The following ADCY9 variants were observed in gnomAD, a reference collection of about 807,000 sequenced individuals.
ADCY9 encodes the protein adenylate cyclase type 9.
Under a neutral mutation model 101.5 loss-of-function variants are expected in ADCY9, and 50 were observed. That is an observed-to-expected ratio of 0.49 (90% CI 0.39 to 0.62). The LOEUF is 0.62. Ranked by LOEUF, ADCY9 falls within the 20% of genes least tolerant of loss-of-function variation. ADCY9 has a pLI of 0.00. For missense variants in ADCY9, 1,662 were observed against 1,800.4 expected, an observed-to-expected ratio of 0.92 and a Z score of 1.39; for synonymous variants, 905 against 769.3, an observed-to-expected ratio of 1.18 and a Z score of -2.92.
At chr16:3,979,028 T>C in intron 8 of ADCY9, 88 bp downstream of exon 8, 1 of 1,559,002 alleles carries the variant, frequency 6.4e-7, no homozygotes, top group Admixed American at 1.7e-5. Flanking sequence ...GGGTTTATTT[T>C]TAAATTGCTA....
chr16:4,103,641 C>A (rs367962303), intron 2 of ADCY9, among the ~76,000 whole-genome samples: 19 of 152,234 alleles, frequency 1.2e-4, no homozygotes, highest in African/African-American at 4.1e-4. Flanking sequence ...ACCAGCCTGG[C>A]CAATATGGCG....
rs1196255044 is a variant in ADCY9 at position 4,114,965 on chromosome 16, A to G, written c.478T>C (p.Phe160Leu). ...LCFLLVCVGF[F>L]LFTFTKLYAR... ...TACAGCTTGGTGAAGGTAAACAGAAAGAAGCCCACACACACCAGGAGGAAG... is the reference window on the plus strand; with the variant it reads ...TACAGCTTGGTGAAGGTAAACAGAAGGAAGCCCACACACACCAGGAGGAAG... Residue 160 changes from phenylalanine to leucine, a missense_variant, in exon 2 of 11, where the codon TTT becomes CTT. Around this residue, in one of 5 missense-constraint regions of ADCY9, gnomAD observed 422 missense variants for 392.0 expected, o/e 1.08. Transcript: ENST00000294016. The surrounding 1 kb of genome is among the most constrained non-coding windows in gnomAD (Gnocchi z 4.3). 1 of 1,614,068 alleles carries G rather than the reference A, an allele frequency of 6.2e-7. No homozygotes were observed.
intron 2 of ADCY9, among the ~76,000 whole-genome samples, chr16:4,082,693 CAT>C (rs200456804): frequency 0.052 from 7,379 of 142,970 alleles, 618 homozygotes; most frequent in African/African-American, 0.18. Flanking sequence ...TGCATGCACA[CAT>C]ATATGCACAC....
At chr16:4,065,909 G>A (rs2056798346) in intron 2 of ADCY9, among the ~76,000 whole-genome samples, 1 of 152,080 alleles carries the variant, frequency 6.6e-6, no homozygotes, top group Admixed American at 6.5e-5. Flanking sequence ...TCACCATGTT[G>A]GCCAGGCTGG....
At chr16:4,054,587 T>C (rs1381361675) in intron 2 of ADCY9, among the ~76,000 whole-genome samples, 3 of 152,092 alleles carry the variant, frequency 2.0e-5, no homozygotes, top group Non-Finnish European at 4.4e-5. Flanking sequence ...TTTTTTTTTT[T>C]TGAGACGGAC....
At chr16:4,034,368 C>A (rs773559466) in intron 2 of ADCY9, among the ~76,000 whole-genome samples, 12 of 152,164 alleles carry the variant, frequency 7.9e-5, no homozygotes, top group Non-Finnish European at 1.5e-4. Flanking sequence ...GTCTTACAAC[C>A]AAAACCATGC....
At chr16:4,007,669 T>G (rs1597160946) in intron 2 of ADCY9, 111 bp from the exon 3 acceptor site, 1 of 865,910 alleles carries the variant, frequency 1.2e-6, no homozygotes, top group Middle Eastern at 2.9e-4. Context: ...GAGAGTAAAG[T>G]GAAAATGTGA....
In ADCY9 at chr16:3,977,496, G is replaced by T; in HGVS notation, c.2814C>A (p.Ser938=). The T allele has an allele frequency of 6.4e-7, 1 of 1,568,982 alleles. No homozygotes were observed. The highest frequency in any genetic ancestry group is 1.3e-5 in the African/African-American group (1 of 74,142). ...GAGPLLLLYV[S]LCPDSSVLTS... Reference sequence around the variant, plus strand: ...TGGCCGCGTACCTGTCTGGGCACAGGGAGACGTAGAGCAGGAGCAGCGGCC... The same window carrying T: ...TGGCCGCGTACCTGTCTGGGCACAGTGAGACGTAGAGCAGGAGCAGCGGCC... The change falls in exon 9 of 11, where the codon TCC becomes TCA. Residue 938 remains serine (S), a synonymous_variant. Transcript: ENST00000294016.
chr16:3,998,749 GAAAGAAAAGA>G (rs71133679), intron 3 of ADCY9, among the ~76,000 whole-genome samples: 912 of 89,734 alleles, frequency 0.01, 16 homozygotes, highest in Middle Eastern at 0.038. Flanking sequence ...AAGAAAGAAA[GAAAGAAAAGA>G]AAAGAAAAGA....
At chr16:3,985,362 T>C (rs553724060) in intron 6 of ADCY9, among the ~76,000 whole-genome samples, 102 of 152,182 alleles carry the variant, frequency 6.7e-4, no homozygotes, top group Non-Finnish European at 1.1e-3. Context: ...ATGGTCTCTA[T>C]CTCGACCTCG....
chr16:3,954,217 G>A (rs540217171), intron 5 of ADCY9, among the ~76,000 whole-genome samples: 1 of 152,356 alleles, frequency 6.6e-6, no homozygotes, highest in South Asian at 2.1e-4. Context: ...AGCTGGCCGG[G>A]GCAGGCTGGG....
intron 6 of ADCY9, among the ~76,000 whole-genome samples, chr16:3,985,552 C>T (rs184053482): frequency 1.9e-4 from 29 of 152,264 alleles, no homozygotes; most frequent in African/African-American, 6.0e-4. Context: ...GAGTCAGGGC[C>T]GGGTGCATGC....
At chr16:3,980,666 A>G (rs1317034823) in intron 7 of ADCY9, among the ~76,000 whole-genome samples, 1 of 152,228 alleles carries the variant, frequency 6.6e-6, no homozygotes, top group Non-Finnish European at 1.5e-5. Flanking sequence ...ACATGGACGC[A>G]GGCACAGCCT....
chr16:4,030,291 T>G (rs916133503), intron 2 of ADCY9, among the ~76,000 whole-genome samples: 1 of 151,916 alleles, frequency 6.6e-6, no homozygotes, highest in Non-Finnish European at 1.5e-5. Flanking sequence ...GATGGATACG[T>G]TGTGATATGA....
intron 2 of ADCY9, among the ~76,000 whole-genome samples, chr16:4,035,165 T>C (rs1425914613): frequency 1.3e-5 from 2 of 152,218 alleles, no homozygotes; most frequent in East Asian, 1.9e-4. Context: ...AGGAATGTGA[T>C]AATTGCTTTG....
intron 2 of ADCY9, among the ~76,000 whole-genome samples, chr16:4,058,362 G>A (rs2056754102): frequency 6.6e-6 from 1 of 151,632 alleles, no homozygotes; most frequent in Admixed American, 6.6e-5. Flanking sequence ...CTACTCAGGA[G>A]GCTGAGGCAG....
chr16:4,114,805 G>A lies in ADCY9; in HGVS notation c.638C>T (p.Pro213Leu), dbSNP rs769951663. Reference protein sequence around the residue: ...DSSNLTATARPTDTCLSQVGS... With the variant: ...DSSNLTATARLTDTCLSQVGS... ...CACTTGAGATAAGCAAGTATCTGTG[G>A]GCCGGGCTGTGGCCGTAAGGTTGGA... is the stretch of plus-strand genomic sequence containing the variant. The change falls in exon 2 of 11, where the codon CCC becomes CTC. Residue 213 changes from proline to leucine, a missense_variant. This residue lies in a region of ADCY9 where 422 missense variants were observed against 392.0 expected (regional missense o/e 1.08). Coordinates refer to ENST00000294016, the MANE Select transcript of ADCY9 (RefSeq NM_001116.4). This position sits in a 1 kb window ranked among gnomAD's most constrained non-coding sequence, Gnocchi z 4.3. The A allele has an allele frequency of 6.8e-6, 11 of 1,613,264 alleles. No individual in the cohort carries two copies. The South Asian group carries it at 1.1e-4, about 16-fold the overall frequency.
intron 2 of ADCY9, among the ~76,000 whole-genome samples, chr16:4,021,754 C>A (rs946733001): frequency 6.6e-6 from 1 of 152,158 alleles, no homozygotes; most frequent in Non-Finnish European, 1.5e-5. Flanking sequence ...GTTTTTACTG[C>A]GCTTCACACG....
intron 5 of ADCY9, among the ~76,000 whole-genome samples, chr16:3,956,425 C>T (rs1020827813): frequency 3.4e-5 from 5 of 148,724 alleles, no homozygotes; most frequent in African/African-American, 1.2e-4. Flanking sequence ...ACTGATTTTG[C>T]ATTAAAGGAA....
Sources: gnomAD v4.1 joint callset for allele counts (sites outside exome capture counted in the v4.1 genomes callset) on GRCh38, gnomAD v4.1.1 for gene constraint, gnomAD v4.1.1 regional missense constraint, Gnocchi (gnomAD v3.1) non-coding constraint, MANE v1.5 for transcripts, NCBI Gene and HGNC (gene_info 2026-07-23, HGNC 2026-07-21) for gene names.